Variants in EIF2S2 observed in about 807,000 individuals in gnomAD.
EIF2S2 encodes eukaryotic translation initiation factor 2 subunit 2.
In EIF2S2, 4 loss-of-function variants were observed where a neutral mutation model predicts 44.0. The ratio of observed to expected loss-of-function variants is 0.09; its 90% CI spans 0.04 to 0.21. EIF2S2 has a LOEUF of 0.21. Ranked by LOEUF, EIF2S2 falls within the 10% of genes least tolerant of loss-of-function variation. The probability of loss-of-function intolerance (pLI) is 1.00; values close to 1 mark genes in which losing one functional copy is unlikely to be tolerated. For missense variants in EIF2S2, 154 were observed against 392.0 expected (o/e 0.39, Z 5.13); for synonymous variants, 108 against 128.3 (o/e 0.84, Z 1.07).
intron 3 of EIF2S2, among the ~76,000 whole-genome samples, chr20:34,101,675 CT>C (rs891453441): frequency 2.0e-3 from 271 of 132,384 alleles, no homozygotes; most frequent in Admixed American, 4.0e-3. Flanking sequence ...AAGTATTTTT[CT>C]TTTTTTTTTT....
chr20:34,099,302 A>G (rs1450948105), intron 3 of EIF2S2, among the ~76,000 whole-genome samples: 12 of 151,900 alleles, frequency 7.9e-5, no homozygotes, highest in Admixed American at 7.9e-4. Context: ...GGTTGCAGTG[A>G]GTTGAGATCG....
chr20:34,098,628 A>C lies in EIF2S2; in HGVS notation c.303T>G (p.Leu101=). ...IDEAEEGVKD[L]KIESDVQEPT... The stretch of plus-strand genomic sequence containing the variant: ...GTTCTTGAACATCACTTTCAATCTT[A>C]AGATCCTAAGAAAGTGAGATGAGTC... The change falls in exon 4 of 9, where the codon CTT becomes CTG. Residue 101 remains leucine, a synonymous_variant. Coordinates refer to ENST00000374980, the MANE Select transcript of EIF2S2 (RefSeq NM_003908.5). 1 of 1,613,610 alleles carries C rather than the reference A, an allele frequency of 6.2e-7. No individual in the cohort carries two copies. Among genetic ancestry groups the C allele is most frequent in the Non-Finnish European group, 8.5e-7 (1 of 1,179,934 alleles).
chr20:34,098,718 A>T, intron 3 of EIF2S2, 85 bp from the exon 4 acceptor site: 1 of 1,474,508 alleles, frequency 6.8e-7, no homozygotes, highest in Middle Eastern at 1.8e-4. Context: ...TGAGATGAGG[A>T]GGTCTTGCTT....
At chr20:34,092,145 T>C (rs1308717657) in intron 7 of EIF2S2, among the ~76,000 whole-genome samples, 2 of 152,182 alleles carry the variant, frequency 1.3e-5, no homozygotes, top group Non-Finnish European at 2.9e-5. Flanking sequence ...CAGGCTACAG[T>C]GATTGCAATG....
chr20:34,108,860 T>C (rs934585468), intron 1 of EIF2S2, among the ~76,000 whole-genome samples: 9 of 152,016 alleles, frequency 5.9e-5, no homozygotes, highest in African/African-American at 1.9e-4. Context: ...AAGCAAGACA[T>C]TGATCTAAAA....
chr20:34,098,695 T>C (rs1307011219), intron 3 of EIF2S2, 62 bp from the exon 4 acceptor site: 2 of 1,551,652 alleles, frequency 1.3e-6, no homozygotes, highest in Non-Finnish European at 1.7e-6. Context: ...ATTTATTTTA[T>C]TACATTTTCT....
intron 1 of EIF2S2, among the ~76,000 whole-genome samples, chr20:34,111,704 C>T (rs1164217844): frequency 1.3e-5 from 2 of 152,262 alleles, no homozygotes; most frequent in African/African-American, 2.4e-5. Context: ...CTCCTCGCGG[C>T]ACCCCTGGCA....
At chr20:34,097,594 A>G in intron 4 of EIF2S2, 78 bp from the exon 5 acceptor site, 1 of 1,096,980 alleles carries the variant, frequency 9.1e-7, no homozygotes, top group Non-Finnish European at 1.3e-6. Flanking sequence ...AGAGAAATGA[A>G]GAGTTTCAAA....
chr20:34,091,776 T>TTCGG (rs4012181), intron 7 of EIF2S2, among the ~76,000 whole-genome samples: 1 of 95,814 alleles, frequency 1.0e-5, no homozygotes, highest in African/African-American at 3.6e-5. Flanking sequence ...TTTATTTTTT[T>TTCGG]GGGGGGGGGG....
At chr20:34,112,007 T>G in intron 1 of EIF2S2, 89 bp downstream of exon 1, 1 of 1,281,818 alleles carries the variant, frequency 7.8e-7, no homozygotes, top group Non-Finnish European at 1.0e-6. Flanking sequence ...GGCGGCCGGC[T>G]GCTAGGCCGC....
chr20:34,107,973 G>A (rs751503417), intron 1 of EIF2S2, among the ~76,000 whole-genome samples: 1 of 152,164 alleles, frequency 6.6e-6, no homozygotes, highest in Non-Finnish European at 1.5e-5. Context: ...ACTGCAAGGA[G>A]TACTGCAATA....
At position 34,105,497 on chromosome 20, in the gene EIF2S2, GCTT is replaced by G. The variant is rs1414298503; in HGVS notation, c.61_63del (p.Lys21del). Reference sequence around the variant, plus strand: ...TCCCCTTCCTCATCTAACATAAAAGGCTTCTTCTTCTTCTTTTTCTTCTTGCTC... The same window carrying G: ...TCCCCTTCCTCATCTAACATAAAAGGCTTCTTCTTCTTTTTCTTCTTGCTC... On this transcript the variant is annotated inframe_deletion, in exon 2 of 9. Coordinates refer to ENST00000374980, the MANE Select transcript of EIF2S2 (RefSeq NM_003908.5). 6.2e-6 allele frequency: 10 copies of G among 1,610,992 alleles called. No homozygotes were observed. The highest frequency in any genetic ancestry group is 1.6e-4 in the Middle Eastern group (1 of 6,082).
intron 4 of EIF2S2, among the ~76,000 whole-genome samples, 196 bp from the exon 5 acceptor site, chr20:34,097,712 A>G (rs1039122093): frequency 2.0e-5 from 3 of 152,214 alleles, no homozygotes; most frequent in Non-Finnish European, 4.4e-5. Flanking sequence ...ACTTTCAAAA[A>G]AGGCCCTTAA....
In EIF2S2 at chr20:34,103,449, A is replaced by AAAGCAATACTACCTTTACACC; in HGVS notation, c.289_297+12dup. 1 of 1,543,120 alleles carries AAAGCAATACTACCTTTACACC rather than the reference A, an allele frequency of 6.5e-7. No homozygotes were observed. The highest frequency in any genetic ancestry group is 8.8e-7 in the Non-Finnish European group (1 of 1,139,492). On this transcript the variant is annotated intron_variant, in intron 3 of 8. Transcript: ENST00000374980. ...GAGGTCAAATTTTACCTTCAACAAG[A>AAAGCAATACTACCTTTACACC]AAGCAATACTACCTTTACACCTTCT...
chr20:34,094,033 G>A (rs1601530932), intron 6 of EIF2S2, among the ~76,000 whole-genome samples: 1 of 152,152 alleles, frequency 6.6e-6, no homozygotes, highest in Non-Finnish European at 1.5e-5. Context: ...TAGGACTACA[G>A]GTGTGTGCCA....
At chr20:34,106,009 C>T (rs2034345556) in intron 1 of EIF2S2, among the ~76,000 whole-genome samples, 1 of 152,080 alleles carries the variant, frequency 6.6e-6, no homozygotes, top group Admixed American at 6.5e-5. Context: ...GCAACCTCAA[C>T]CTCCTGGACT....
At chr20:34,107,928 A>C (rs2122438104) in intron 1 of EIF2S2, among the ~76,000 whole-genome samples, 1 of 152,338 alleles carries the variant, frequency 6.6e-6, no homozygotes, top group East Asian at 1.9e-4. Flanking sequence ...AAGTGTCCCT[A>C]CCAAGATAGA....
intron 3 of EIF2S2, among the ~76,000 whole-genome samples, chr20:34,099,317 A>G (rs922977197): frequency 2.0e-5 from 3 of 151,884 alleles, no homozygotes; most frequent in Non-Finnish European, 2.9e-5. Flanking sequence ...AGATCGTGCC[A>G]CCGCACTCCA....
chr20:34,093,760 T>G (rs1459662933), intron 6 of EIF2S2, 29 bp from the exon 7 acceptor site: 4 of 1,558,438 alleles, frequency 2.6e-6, no homozygotes, highest in Non-Finnish European at 3.5e-6. Flanking sequence ...TATATAAACC[T>G]TATCTCTCAT....
Sources: gnomAD v4.1 joint callset for allele counts (sites outside exome capture counted in the v4.1 genomes callset) on GRCh38, gnomAD v4.1.1 for gene constraint, MANE v1.5 for transcripts, NCBI Gene and HGNC (gene_info 2026-07-23, HGNC 2026-07-21) for gene names.